Variants in LPIN2 observed in about 807,000 individuals in gnomAD.
LPIN2 encodes the protein phosphatidate phosphatase LPIN2.
Under a neutral mutation model 111.4 loss-of-function variants are expected in LPIN2, and 55 were observed. The ratio of observed to expected loss-of-function variants is 0.49; its 90% CI spans 0.40 to 0.62. LPIN2 has a LOEUF of 0.62. Ranked by LOEUF, LPIN2 falls within the 20% of genes least tolerant of loss-of-function variation. LPIN2 has a pLI of 0.00. For missense variants in LPIN2, 992 were observed against 1,112.1 expected, an observed-to-expected ratio of 0.89 and a Z score of 1.54; for synonymous variants, 425 against 414.0, an observed-to-expected ratio of 1.03 and a Z score of -0.32.
intron 4 of LPIN2, among the ~76,000 whole-genome samples, chr18:2,947,922 G>A (rs1056851948): frequency 1.3e-5 from 2 of 152,006 alleles, no homozygotes; most frequent in Admixed American, 6.6e-5. Flanking sequence ...AGCTGAAAGG[G>A]GCCTTTTAAA....
chr18:2,947,284 A>C (rs928964556), intron 4 of LPIN2, among the ~76,000 whole-genome samples: 1 of 150,148 alleles, frequency 6.7e-6, no homozygotes, highest in Non-Finnish European at 1.5e-5. Flanking sequence ...TTATGCTAGA[A>C]CACCATCCAA....
intron 10 of LPIN2, among the ~76,000 whole-genome samples, 168 bp from the exon 11 acceptor site, chr18:2,928,828 AG>A (rs1165350376): frequency 1.3e-5 from 2 of 152,240 alleles, no homozygotes; most frequent in Admixed American, 6.5e-5. Context: ...CTTCGCTTCA[AG>A]CACAACTTCT....
At chr18:2,955,144 T>A (rs992902401) in intron 2 of LPIN2, among the ~76,000 whole-genome samples, 1 of 152,190 alleles carries the variant, frequency 6.6e-6, no homozygotes, top group Non-Finnish European at 1.5e-5. Flanking sequence ...AGTAATATCA[T>A]GTCAAAAAAA....
At chr18:2,930,750 G>A (rs1161483876) in intron 9 of LPIN2, among the ~76,000 whole-genome samples, 1 of 152,180 alleles carries the variant, frequency 6.6e-6, no homozygotes, top group Non-Finnish European at 1.5e-5. Flanking sequence ...TGATTCCTGA[G>A]CAAGCTTTAC....
chr18:2,991,715 AAATAAT>A (rs1167771980), intron 1 of LPIN2, among the ~76,000 whole-genome samples: 1 of 152,096 alleles, frequency 6.6e-6, no homozygotes, highest in South Asian at 2.1e-4. Flanking sequence ...CTGTCTCAAA[AAATAAT>A]AATAATAAGG....
intron 1 of LPIN2, among the ~76,000 whole-genome samples, chr18:2,973,121 C>G (rs138462111): frequency 2.3e-3 from 351 of 152,218 alleles, no homozygotes; most frequent in African/African-American, 7.9e-3. Context: ...GCTAAATGTT[C>G]ATGCCAATTT....
intron 2 of LPIN2, among the ~76,000 whole-genome samples, chr18:2,956,311 G>GGGGTGTGTGTGTGTGTGT (rs537302837): frequency 2.1e-5 from 3 of 144,050 alleles, no homozygotes; most frequent in East Asian, 2.1e-4. Context: ...TAGATGCAGG[G>GGGGTGTGTGTGTGTGTGT]GTGTGTGTGT....
At position 2,923,756 on chromosome 18, in the gene LPIN2, A is replaced by G; in HGVS notation, c.2174+19T>C. The G allele has an allele frequency of 6.2e-7, 1 of 1,605,748 alleles. No homozygotes were observed. Among genetic ancestry groups the G allele is most frequent in the Admixed American group, 1.7e-5 (1 of 60,022 alleles). On this transcript the variant is annotated intron_variant, in intron 16 of 19. Coordinates refer to ENST00000677752, the MANE Select transcript of LPIN2 (RefSeq NM_001375808.2). The stretch of plus-strand genomic sequence containing the variant: ...GCTTCCAGCTCACCAGAGCGAGTTA[A>G]CGTGGGGAGGGTACCTACTCATTGA...
intron 1 of LPIN2, among the ~76,000 whole-genome samples, chr18:2,963,971 G>A (rs1033372772): frequency 6.6e-6 from 1 of 151,742 alleles, no homozygotes; most frequent in African/African-American, 2.4e-5. Context: ...TTTAGAGGTG[G>A]TATTATTTCT....
intron 1 of LPIN2, among the ~76,000 whole-genome samples, chr18:2,996,868 C>T (rs898398371): frequency 1.3e-5 from 2 of 152,222 alleles, no homozygotes; most frequent in African/African-American, 2.4e-5. Flanking sequence ...TTTGGTTCTA[C>T]AAAGGCCTTG....
chr18:2,959,573 T>C (rs1194942291), intron 2 of LPIN2, among the ~76,000 whole-genome samples: 2 of 152,234 alleles, frequency 1.3e-5, no homozygotes, highest in Admixed American at 6.5e-5. Flanking sequence ...GAAATCTGTG[T>C]ACCTGCCAAG....
chr18:3,002,685 T>C, intron 1 of LPIN2, among the ~76,000 whole-genome samples: 1 of 152,200 alleles, frequency 6.6e-6, no homozygotes, highest in Non-Finnish European at 1.5e-5. Context: ...AAGAAAGAAA[T>C]TCTAAGCAAA....
chr18:2,929,486 A>G (rs2077184531), intron 9 of LPIN2, among the ~76,000 whole-genome samples: 1 of 152,222 alleles, frequency 6.6e-6, no homozygotes, highest in African/African-American at 2.4e-5. Context: ...ACAGACACAC[A>G]CACACGAAAA....
At chr18:2,989,379 T>C (rs1051469976) in intron 1 of LPIN2, among the ~76,000 whole-genome samples, 1 of 151,444 alleles carries the variant, frequency 6.6e-6, no homozygotes, top group Non-Finnish European at 1.5e-5. Context: ...ATTGCAAAAA[T>C]CACTGAAAAA....
At chr18:2,935,257 T>C (rs534893260) in intron 7 of LPIN2, among the ~76,000 whole-genome samples, 2 of 152,366 alleles carry the variant, frequency 1.3e-5, no homozygotes, top group Admixed American at 6.5e-5. Flanking sequence ...CTAAACTTAA[T>C]TTCACCTTAT....
In LPIN2 at chr18:2,931,435, T is replaced by C. The variant is rs1555673693; in HGVS notation, c.1277A>G (p.Glu426Gly). The part of the protein sequence containing the change: ...AALYFPKSES[E>G]PGSRQWPESD... ...CTCGGGCCACTGCCTGGAACCGGGC[T>C]CCGATTCACTGTGGACAGGGGATGG... The change falls in exon 9 of 20, where the codon GAG becomes GGG. Residue 426 changes from glutamate to glycine, a missense_variant. This residue lies in a region of LPIN2 where 709 missense variants were observed against 753.2 expected (regional missense o/e 0.94). Coordinates refer to ENST00000677752, the MANE Select transcript of LPIN2 (RefSeq NM_001375808.2). 1.9e-6 allele frequency: 3 copies of C among 1,587,026 alleles called. No homozygotes were observed. The highest frequency in any genetic ancestry group is 2.6e-6 in the Non-Finnish European group (3 of 1,166,530).
intron 1 of LPIN2, among the ~76,000 whole-genome samples, chr18:2,961,387 TTAAA>T (rs1375713582): frequency 1.8e-4 from 28 of 152,218 alleles, no homozygotes; most frequent in Admixed American, 1.8e-3. Context: ...ACATGCTAGA[TTAAA>T]TAAACTCTGG....
chr18:3,002,859 T>C (rs1188772442), intron 1 of LPIN2, among the ~76,000 whole-genome samples: 1 of 152,240 alleles, frequency 6.6e-6, no homozygotes, highest in Non-Finnish European at 1.5e-5. Flanking sequence ...TGTCCCTGAT[T>C]CATAAAACCC....
At chr18:2,958,559 AC>A (rs1292441541) in intron 2 of LPIN2, among the ~76,000 whole-genome samples, 1 of 152,152 alleles carries the variant, frequency 6.6e-6, no homozygotes, top group African/African-American at 2.4e-5. Flanking sequence ...TTTTACTCTC[AC>A]AGTTTTTCAG....
Sources: allele counts gnomAD v4.1 joint callset (sites outside exome capture counted in the v4.1 genomes callset), GRCh38; gene constraint gnomAD v4.1.1; regional missense constraint gnomAD v4.1.1; transcripts MANE v1.5; gene names NCBI Gene and HGNC (gene_info 2026-07-23, HGNC 2026-07-21).